Variants in GRIN2A observed in about 807,000 individuals in gnomAD.
GRIN2A encodes the protein glutamate receptor ionotropic, NMDA 2A.
Under a neutral mutation model 113.4 loss-of-function variants are expected in GRIN2A, and 22 were observed. The observed-to-expected ratio is 0.19, with a 90% CI of 0.14 to 0.28. The LOEUF is 0.28. Ranked by LOEUF, GRIN2A falls within the 10% of genes least tolerant of loss-of-function variation. The pLI is 1.00. For synonymous variants in GRIN2A, 827 were observed against 738.4 expected (o/e 1.12, Z -1.94); for missense variants, 1,502 against 1,887.0 (o/e 0.80, Z 3.78).
At chr16:10,058,731 G>T (rs1279054672) in intron 2 of GRIN2A, among the ~76,000 whole-genome samples, 2 of 152,214 alleles carry the variant, frequency 1.3e-5, no homozygotes, top group African/African-American at 4.8e-5. Context: ...AGGTATTTAT[G>T]TATTTGTCCA....
intron 11 of GRIN2A, among the ~76,000 whole-genome samples, chr16:9,773,053 A>G (rs1901377366): frequency 6.6e-6 from 1 of 152,308 alleles, no homozygotes; most frequent in East Asian, 1.9e-4. Context: ...CTGTAGTTCA[A>G]ATACTTTCTT....
chr16:9,843,007 A>G (rs1354516000), intron 5 of GRIN2A, among the ~76,000 whole-genome samples: 2 of 149,690 alleles, frequency 1.3e-5, no homozygotes, highest in African/African-American at 2.5e-5. Flanking sequence ...GAGAAACAGA[A>G]AGAGAAAAAG....
intron 3 of GRIN2A, among the ~76,000 whole-genome samples, chr16:9,917,388 A>G (rs1484276982): frequency 6.6e-6 from 1 of 152,240 alleles, no homozygotes. Context: ...CACTAGGTAA[A>G]TTCTTCAGAT....
At chr16:9,924,048 T>C (rs1380177903) in intron 3 of GRIN2A, among the ~76,000 whole-genome samples, 1 of 148,362 alleles carries the variant, frequency 6.7e-6, no homozygotes, top group Non-Finnish European at 1.5e-5. Context: ...AAGGTGGAGG[T>C]TGTAGTGAGC....
At chr16:10,104,368 G>A (rs2048454363) in intron 2 of GRIN2A, among the ~76,000 whole-genome samples, 1 of 152,152 alleles carries the variant, frequency 6.6e-6, no homozygotes, top group Non-Finnish European at 1.5e-5. Flanking sequence ...AAGAAGTTGA[G>A]CCTGGGCATC....
At chr16:9,825,737 G>C (rs930916521) in intron 9 of GRIN2A, among the ~76,000 whole-genome samples, 1 of 152,126 alleles carries the variant, frequency 6.6e-6, no homozygotes, top group Non-Finnish European at 1.5e-5. Context: ...AGCAGAGAGA[G>C]GATCAGCTGG....
chr16:10,019,502 T>C (rs1237000360), intron 2 of GRIN2A, among the ~76,000 whole-genome samples: 1 of 152,204 alleles, frequency 6.6e-6, no homozygotes, highest in Non-Finnish European at 1.5e-5. Flanking sequence ...CAGAAATTTG[T>C]GGACCCATTT....
intron 2 of GRIN2A, among the ~76,000 whole-genome samples, chr16:9,948,730 C>T (rs375478858): frequency 1.4e-4 from 21 of 152,284 alleles, no homozygotes; most frequent in African/African-American, 3.6e-4. Context: ...TGGGGTGAAC[C>T]GCCTCACTCC....
At chr16:10,161,242 G>C (rs2049802607) in intron 2 of GRIN2A, among the ~76,000 whole-genome samples, 1 of 152,124 alleles carries the variant, frequency 6.6e-6, no homozygotes, top group Admixed American at 6.5e-5. Flanking sequence ...ACTTCTCCTT[G>C]CTGCTGCCAT....
chr16:9,893,957 A>G (rs1309082873), intron 3 of GRIN2A, among the ~76,000 whole-genome samples: 1 of 152,234 alleles, frequency 6.6e-6, no homozygotes, highest in African/African-American at 2.4e-5. Flanking sequence ...GCATAGACAC[A>G]TAAACAATGA....
At chr16:9,807,532 G>A (rs1373383826) in intron 10 of GRIN2A, among the ~76,000 whole-genome samples, 1 of 152,136 alleles carries the variant, frequency 6.6e-6, no homozygotes, top group Non-Finnish European at 1.5e-5. Flanking sequence ...GGGAAGGATT[G>A]AAATGATTGT....
chr16:10,111,946 C>T (rs1403026730), intron 2 of GRIN2A: 1 of 737,616 alleles, frequency 1.4e-6, no homozygotes, highest in South Asian at 1.4e-5. Context: ...GATGGTGGCT[C>T]CAGCAGGCAT....
rs2046330366 is a variant in GRIN2A, at chr16:10,002,077, A to T, written c.415-63526T>A. On this transcript the variant is annotated intron_variant, in intron 2 of 12. Transcript: ENST00000330684. ...TACCACTAGAGAAAAAGCTATAGAA[A>T]CTAACACAGCTTCCTTTGGCTCTTA... Among the ~76,000 whole-genome samples, 8 of 152,346 alleles carry T rather than the reference A, an allele frequency of 5.3e-5. No individual in the cohort carries two copies. The South Asian group carries it at 1.7e-3, about 32-fold the overall frequency.
At chr16:9,857,833 A>G (rs1269097646) in intron 4 of GRIN2A, among the ~76,000 whole-genome samples, 1 of 152,266 alleles carries the variant, frequency 6.6e-6, no homozygotes, top group African/African-American at 2.4e-5. Context: ...TTTTAACTTC[A>G]TAAGAGCTTT....
chr16:10,027,468 G>C (rs2046845989), intron 2 of GRIN2A: 1 of 152,236 alleles, frequency 6.6e-6, no homozygotes, highest in African/African-American at 2.4e-5. Context: ...CCCATCCTGG[G>C]TCTGCATTTA....
At chr16:9,802,406 A>G (rs1903417045) in intron 10 of GRIN2A, among the ~76,000 whole-genome samples, 1 of 152,214 alleles carries the variant, frequency 6.6e-6, no homozygotes, top group Admixed American at 6.5e-5. Flanking sequence ...ATGGAGGTGC[A>G]CACCATTATC....
chr16:10,162,074 G>T (rs1214862369), intron 2 of GRIN2A, among the ~76,000 whole-genome samples: 3 of 152,112 alleles, frequency 2.0e-5, no homozygotes, highest in South Asian at 4.1e-4. Flanking sequence ...GGGAAGAGGG[G>T]GTGGTGGGGA....
chr16:10,022,373 C>T (rs2046741043), intron 2 of GRIN2A, among the ~76,000 whole-genome samples: 1 of 151,828 alleles, frequency 6.6e-6, no homozygotes, highest in South Asian at 2.1e-4. Context: ...CCACACAGAA[C>T]ATCTTGCTGT....
chr16:10,044,022 T>TAGAGAG (rs1555469980), intron 2 of GRIN2A, among the ~76,000 whole-genome samples: 99 of 107,998 alleles, frequency 9.2e-4, no homozygotes, highest in South Asian at 4.5e-3. Flanking sequence ...TATATATATA[T>TAGAGAG]AGAGAGAGAG....
Sources: allele counts gnomAD v4.1 joint callset (sites outside exome capture counted in the v4.1 genomes callset), GRCh38; gene constraint gnomAD v4.1.1; transcripts MANE v1.5; gene names NCBI Gene and HGNC (gene_info 2026-07-23, HGNC 2026-07-21).